The following PACS1 variants were observed in gnomAD, a reference collection of about 807,000 sequenced individuals.
PACS1 encodes phosphofurin acidic cluster sorting protein 1.
In PACS1, 24 loss-of-function variants were observed where a neutral mutation model predicts 115.0. That is an observed-to-expected ratio of 0.21 (90% CI 0.15 to 0.29). The LOEUF is 0.29. PACS1 is among the 10% of genes least tolerant of loss of function. PACS1 has a pLI of 1.00. For synonymous variants in PACS1, 453 were observed against 504.5 expected, an observed-to-expected ratio of 0.90 and a Z score of 1.37; for missense variants, 838 against 1,251.2, an observed-to-expected ratio of 0.67 and a Z score of 4.98.
At position 66,233,839 on chromosome 11, in the gene PACS1, C is replaced by T; in HGVS notation, c.1893C>T (p.Gly631=). ...CAGTGAAGGTGGCTGCTGTGGGAGG[C>T]CAGAGCTACCTGAGCTCCATCCTCA... is the stretch of plus-strand genomic sequence containing the variant. The part of the protein sequence containing the change: ...PRPVKVAAVG[G]QSYLSSILRF... Residue 631 remains glycine, a synonymous_variant, in exon 16 of 24, where the codon GGC becomes GGT. Coordinates refer to ENST00000320580, the MANE Select transcript of PACS1 (RefSeq NM_018026.4). The surrounding 1 kb of genome is among the most constrained non-coding windows in gnomAD (Gnocchi z 4.5). 8 of 1,613,402 alleles carry T rather than the reference C, an allele frequency of 5.0e-6. No individual in the cohort carries two copies. The highest frequency in any genetic ancestry group is 6.8e-6 in the Non-Finnish European group (8 of 1,179,648).
chr11:66,074,579 G>A (rs1370270439), intron 1 of PACS1, among the ~76,000 whole-genome samples: 2 of 152,162 alleles, frequency 1.3e-5, no homozygotes, highest in Non-Finnish European at 2.9e-5. Context: ...GATGAAATGT[G>A]CTCTGCTGTA....
At chr11:66,180,294 C>A (rs1304938043) in intron 1 of PACS1, among the ~76,000 whole-genome samples, 1 of 151,938 alleles carries the variant, frequency 6.6e-6, no homozygotes, top group African/African-American at 2.4e-5. Flanking sequence ...CTCTTGAGAT[C>A]CAATAATACA....
At chr11:66,213,587 A>T (rs976519475) in intron 4 of PACS1, among the ~76,000 whole-genome samples, 1 of 152,230 alleles carries the variant, frequency 6.6e-6, no homozygotes, top group African/African-American at 2.4e-5. Flanking sequence ...GTATGCACAC[A>T]TGTGCTCGTG....
rs143982686 is a variant in PACS1, at chr11:66,230,831, G to A, written c.1517G>A (p.Arg506Gln). 3.1e-6 allele frequency: 5 copies of A among 1,614,028 alleles called. No homozygotes were observed. In the South Asian group the frequency reaches 3.3e-5, roughly 11 times the overall value. The change falls in exon 13 of 24, where the codon CGG becomes CAG. Residue 506 changes from arginine to glutamine, a missense_variant. Transcript: ENST00000320580. ...PSKVEGVHTP[R>Q]QKRSTPLKER... ...AAAGTGGAGGGGGTGCACACACCCC[G>A]GCAGAAGAGGAGCACGCCCCTGAAG... is the stretch of plus-strand genomic sequence containing the variant.
intron 1 of PACS1, among the ~76,000 whole-genome samples, chr11:66,135,160 G>A (rs1484346238): frequency 6.6e-6 from 1 of 151,788 alleles, no homozygotes; most frequent in African/African-American, 2.4e-5. Flanking sequence ...AGGTCACATC[G>A]CTGCACTCCA....
chr11:66,085,186 A>G (rs939779874), intron 1 of PACS1, among the ~76,000 whole-genome samples: 1 of 152,166 alleles, frequency 6.6e-6, no homozygotes, highest in Admixed American at 6.5e-5. Flanking sequence ...TTCTTTTCTA[A>G]TGTAACTGTA....
chr11:66,223,237 C>T (rs141313836), intron 10 of PACS1, among the ~76,000 whole-genome samples: 3 of 152,016 alleles, frequency 2.0e-5, no homozygotes, highest in Non-Finnish European at 4.4e-5. Context: ...GGACTGCAGG[C>T]ACGTGCCACC....
rs118045316 is a variant in PACS1, at chr11:66,157,071, A to G, written c.357-36415A>G. ...TGTTTGATAATTTTGTCTCCCCTCA[A>G]TTACGTAGGATGGTACATGTTACCA... On this transcript the variant is annotated intron_variant, in intron 1 of 23. Coordinates refer to ENST00000320580, the MANE Select transcript of PACS1 (RefSeq NM_018026.4). Among the ~76,000 whole-genome samples the G allele has an allele frequency of 1.0e-3, 156 of 152,166 alleles. 1 individual carries two copies. Among genetic ancestry groups the G allele is most frequent in the East Asian group, 6.0e-3 (31 of 5,160 alleles).
chr11:66,116,270 A>C (rs1858304809), intron 1 of PACS1, among the ~76,000 whole-genome samples: 1 of 152,222 alleles, frequency 6.6e-6, no homozygotes, highest in Admixed American at 6.5e-5. Context: ...CTGGCCTGAA[A>C]GCATTTGACT....
chr11:66,116,757 GTGTGTGTC>G (rs1218480676), intron 1 of PACS1, among the ~76,000 whole-genome samples: 2 of 151,948 alleles, frequency 1.3e-5, no homozygotes, highest in African/African-American at 4.8e-5. Context: ...AGGCGTGGTG[GTGTGTGTC>G]TGTGGTCCCA....
At chr11:66,152,388 G>A (rs1859261148) in intron 1 of PACS1, among the ~76,000 whole-genome samples, 1 of 152,194 alleles carries the variant, frequency 6.6e-6, no homozygotes, top group Non-Finnish European at 1.5e-5. Context: ...CTTGTAGGAC[G>A]ATATCAGGTA....
chr11:66,188,455 A>AT (rs1280625589), intron 1 of PACS1, among the ~76,000 whole-genome samples: 1 of 151,882 alleles, frequency 6.6e-6, no homozygotes, highest in African/African-American at 2.4e-5. Flanking sequence ...TAACTGTACC[A>AT]TTTTCCACTG....
intron 1 of PACS1, among the ~76,000 whole-genome samples, chr11:66,086,504 G>A (rs1857573041): frequency 6.6e-6 from 1 of 152,236 alleles, no homozygotes; most frequent in South Asian, 2.1e-4. Flanking sequence ...GATGTGTCTG[G>A]CAGGGCCAAA....
intron 2 of PACS1, among the ~76,000 whole-genome samples, chr11:66,202,669 G>A (rs527269852): frequency 2.1e-5 from 3 of 142,992 alleles, no homozygotes; most frequent in Non-Finnish European, 3.0e-5. Context: ...TAGATGGATC[G>A]CTTGAGGCCA....
rs1352300281 is a variant in PACS1, at chr11:66,244,573, T to C, written c.*1293T>C. 1 of 152,366 alleles carries C rather than the reference T, an allele frequency of 6.6e-6. No homozygotes were observed. The highest frequency in any genetic ancestry group is 1.9e-4 in the East Asian group (1 of 5,200). 9.4% of individuals were successfully genotyped at this position (152,366 alleles called of 1,614,324 possible). A position where few individuals can be genotyped will look rare whatever the true frequency, so the allele number is the denominator to read the frequency against. On this transcript the variant is annotated 3_prime_UTR_variant, in exon 24 of 24. Transcript: ENST00000320580. ...AGAAGTTTTTGCACAGAACTTCATT[T>C]TGAAAGTGTTTTTCTCATTCTCCAT...
chr11:66,219,329 G>A (rs1855286060), intron 7 of PACS1, among the ~76,000 whole-genome samples: 4 of 151,900 alleles, frequency 2.6e-5, no homozygotes, highest in Admixed American at 2.6e-4. Context: ...ACATCAGTAA[G>A]AGGATCGGGG....
At chr11:66,093,155 A>G (rs1006340290) in intron 1 of PACS1, among the ~76,000 whole-genome samples, 11 of 152,280 alleles carry the variant, frequency 7.2e-5, no homozygotes, top group African/African-American at 2.6e-4. Flanking sequence ...TGAGCATGGA[A>G]TGTTCTTCTA....
At chr11:66,190,427 T>G (rs1347446687) in intron 1 of PACS1, among the ~76,000 whole-genome samples, 1 of 152,134 alleles carries the variant, frequency 6.6e-6, no homozygotes, top group East Asian at 1.9e-4. Flanking sequence ...TTTTGTTTGT[T>G]TGTTTGTTTG....
chr11:66,182,160 C>T (rs559026664), intron 1 of PACS1, among the ~76,000 whole-genome samples: 1 of 152,292 alleles, frequency 6.6e-6, no homozygotes, highest in African/African-American at 2.4e-5. Flanking sequence ...AAATTATCAT[C>T]AAGGAGATTG....
Sources: gnomAD v4.1 joint callset for allele counts (sites outside exome capture counted in the v4.1 genomes callset) on GRCh38, gnomAD v4.1.1 for gene constraint, Gnocchi (gnomAD v3.1) non-coding constraint, MANE v1.5 for transcripts, NCBI Gene and HGNC (gene_info 2026-07-23, HGNC 2026-07-21) for gene names.